PDE1C: variants seen among roughly 807,000 people sequenced by gnomAD.
PDE1C encodes phosphodiesterase 1C.
Under a neutral mutation model 93.1 loss-of-function variants are expected in PDE1C, and 62 were observed. The ratio of observed to expected loss-of-function variants is 0.67; its 90% CI spans 0.54 to 0.82. The LOEUF is 0.82. Among genes scored for constraint, PDE1C ranks in the 40% least tolerant of loss-of-function variants. The pLI, the probability that PDE1C is intolerant of heterozygous loss-of-function variation, is 0.00. For missense variants in PDE1C, 742 were observed against 884.6 expected (o/e 0.84, Z 2.04); for synonymous variants, 325 against 310.1 (o/e 1.05, Z -0.50).
the PDE1C span, among the ~76,000 whole-genome samples, chr7:31,647,041 C>T: frequency 6.6e-6 from 1 of 152,210 alleles, no homozygotes; most frequent in Admixed American, 6.5e-5. Context: ...CACACATATA[C>T]GTGTGCATAT....
intron 14 of PDE1C, chr7:31,820,606 T>G (rs1028653283): frequency 3.9e-5 from 6 of 152,062 alleles, no homozygotes; most frequent in African/African-American, 1.4e-4. Flanking sequence ...CATGTTCAAG[T>G]GCCCCACGGA....
In PDE1C at chr7:32,175,484, T is replaced by C. The variant is rs146003533; in HGVS notation, c.137-5528A>G. The stretch of plus-strand genomic sequence containing the variant: ...AGGTAATCTTTTTGCTGGTGGAGAA[T>C]CTTGCCTCAGCGTTGATGGCTGCTG... On this transcript the variant is annotated intron_variant, in intron 2 of 18. Transcript: ENST00000396193. 8.0e-3 allele frequency among the ~76,000 whole-genome samples: 1,223 copies of C among 152,314 alleles called. 18 individuals are homozygous for C. Among genetic ancestry groups the C allele is most frequent in the African/African-American group, 0.028 (1,157 of 41,566 alleles).
intron 9 of PDE1C, among the ~76,000 whole-genome samples, chr7:31,842,830 T>C (rs764101339): frequency 3.3e-5 from 5 of 151,966 alleles, no homozygotes; most frequent in East Asian, 1.9e-4. Flanking sequence ...CCTGAAGTCA[T>C]TGTGTTTGGA....
At chr7:32,075,756 G>A (rs928649169), upstream of PDE1C, among the ~76,000 whole-genome samples, 2 of 152,046 alleles carry the variant, frequency 1.3e-5, no homozygotes, top group Non-Finnish European at 2.9e-5. Context: ...GGCAGCTCAG[G>A]GGCAGCCCGA....
intron 1 of PDE1C, among the ~76,000 whole-genome samples, chr7:32,262,762 T>A (rs1437868553): frequency 6.6e-6 from 1 of 152,222 alleles, no homozygotes; most frequent in Non-Finnish European, 1.5e-5. Flanking sequence ...CTTTGAACTT[T>A]CTGACAACTT....
chr7:32,290,755 T>C (rs898400415), intron 1 of PDE1C, among the ~76,000 whole-genome samples: 1 of 152,260 alleles, frequency 6.6e-6, no homozygotes, highest in South Asian at 2.1e-4. Flanking sequence ...GATGTTAACC[T>C]GCTGAGGAAA....
chr7:32,237,083 C>CTT (rs34122130), intron 1 of PDE1C, among the ~76,000 whole-genome samples: 7 of 121,934 alleles, frequency 5.7e-5, no homozygotes, highest in Non-Finnish European at 8.5e-5. Context: ...ATGTAATATT[C>CTT]TTTTTTTTTT....
chr7:32,398,848 C>T lies in PDE1C; in HGVS notation c.310+28974G>A, dbSNP rs78213637. 5.9e-3 allele frequency among the ~76,000 whole-genome samples: 897 copies of T among 152,056 alleles called. 10 individuals carry two copies. The highest frequency in any genetic ancestry group is 0.02 in the African/African-American group (843 of 41,452). On this transcript the variant is annotated intron_variant, in intron 1 of 1. Coordinates refer to the PDE1C transcript ENST00000672256. ...ACAGAAGACAGAAAGTAAGAGCAGA[C>T]CATAAAGGTCAGCCTCCCAGATTAG...
chr7:31,943,878 T>A (rs1806195207), intron 2 of PDE1C, among the ~76,000 whole-genome samples: 1 of 152,108 alleles, frequency 6.6e-6, no homozygotes, highest in Non-Finnish European at 1.5e-5. Flanking sequence ...AAATATAATT[T>A]CTTAAACATA....
intron 2 of PDE1C, among the ~76,000 whole-genome samples, chr7:32,046,959 A>T (rs1792654959): frequency 6.6e-6 from 1 of 152,012 alleles, no homozygotes; most frequent in South Asian, 2.1e-4. Context: ...GTGTCTGTAG[A>T]ACTCCCTCAG....
intron 1 of PDE1C, among the ~76,000 whole-genome samples, chr7:32,409,524 T>C (rs1287515326): frequency 1.3e-5 from 2 of 151,952 alleles, no homozygotes; most frequent in Non-Finnish European, 2.9e-5. Flanking sequence ...TATTAAGCAA[T>C]AGAATGCAAC....
rs1789216392 is a variant in PDE1C at position 31,823,256 on chromosome 7, A to G, written c.1407-8T>C. On this transcript the variant is annotated splice_region_variant and splice_polypyrimidine_tract_variant and intron_variant, in intron 13 of 17. Coordinates refer to ENST00000396191, the MANE Select transcript of PDE1C (RefSeq NM_001191057.4). ...GAGCTGATGCTATTCAAACTGGAAA[A>G]CAAAAAAATCATACCAAAGAAGAGA... 1 of 1,600,472 alleles carries G rather than the reference A, an allele frequency of 6.2e-7. No homozygotes were observed. The highest frequency in any genetic ancestry group is 1.3e-5 in the African/African-American group (1 of 74,170).
intron 1 of PDE1C, among the ~76,000 whole-genome samples, chr7:32,262,963 T>G (rs1387250618): frequency 3.3e-5 from 5 of 152,218 alleles, no homozygotes; most frequent in African/African-American, 1.2e-4. Context: ...AAAATTTAGA[T>G]TCTTGGTTTT....
chr7:32,112,834 GTGTGTGTGTGTGTATA>G (rs1350505679), intron 3 of PDE1C, among the ~76,000 whole-genome samples: 3 of 58,080 alleles, frequency 5.2e-5, no homozygotes, highest in African/African-American at 9.3e-5. Context: ...GTGTGTGTGT[GTGTGTGTGTGTGTATA>G]TATATATATA....
intron 1 of PDE1C, among the ~76,000 whole-genome samples, chr7:32,062,655 T>A (rs1416297689): frequency 6.6e-6 from 1 of 152,196 alleles, no homozygotes; most frequent in Non-Finnish European, 1.5e-5. Flanking sequence ...GCTGGACTTC[T>A]TGCAGCACTC....
At chr7:32,134,052 T>C (rs1355645905) in intron 3 of PDE1C, among the ~76,000 whole-genome samples, 1 of 151,936 alleles carries the variant, frequency 6.6e-6, no homozygotes, top group Non-Finnish European at 1.5e-5. Context: ...AATATGACTA[T>C]GGAAAGATTT....
chr7:31,754,221 A>G (rs1338411146), intron 17 of PDE1C, among the ~76,000 whole-genome samples: 1 of 152,222 alleles, frequency 6.6e-6, no homozygotes, highest in African/African-American at 2.4e-5. Flanking sequence ...TAAAATCTAA[A>G]AAACTTGACA....
intron 1 of PDE1C, among the ~76,000 whole-genome samples, chr7:32,322,305 G>C (rs994587953): frequency 6.6e-6 from 1 of 152,138 alleles, no homozygotes; most frequent in Admixed American, 6.5e-5. Context: ...TTGAATAAAA[G>C]ACAGACATGT....
intron 2 of PDE1C, among the ~76,000 whole-genome samples, chr7:32,208,563 G>A (rs1381836836): frequency 6.6e-6 from 1 of 152,130 alleles, no homozygotes; most frequent in African/African-American, 2.4e-5. Flanking sequence ...GAAGACAGAG[G>A]CCCAGATAGT....
Sources: gnomAD v4.1 joint callset for allele counts (sites outside exome capture counted in the v4.1 genomes callset) on GRCh38, gnomAD v4.1.1 for gene constraint, MANE v1.5 for transcripts, NCBI Gene and HGNC (gene_info 2026-07-23, HGNC 2026-07-21) for gene names.